ZC3H12D: variants seen among roughly 807,000 people sequenced by gnomAD.
ZC3H12D encodes the protein zinc finger CCCH-type containing 12D, also known as probable ribonuclease ZC3H12D.
Under a neutral mutation model 24.2 loss-of-function variants are expected in ZC3H12D, and 11 were observed. The ratio of observed to expected loss-of-function variants is 0.46; its 90% CI spans 0.29 to 0.75. The LOEUF is 0.75. Among genes scored for constraint, ZC3H12D ranks in the 30% least tolerant of loss-of-function variants. The pLI is 0.11. For synonymous variants in ZC3H12D, 333 were observed against 341.8 expected (o/e 0.97, Z 0.28); for missense variants, 740 against 767.7 (o/e 0.96, Z 0.43).
intron 1 of ZC3H12D, among the ~76,000 whole-genome samples, chr6:149,478,390 C>T (rs1057105413): frequency 6.8e-6 from 1 of 146,910 alleles, no homozygotes; most frequent in Non-Finnish European, 1.5e-5. Context: ...AGGCTTCTTA[C>T]TAATTTTTTT....
rs1775981510 is a variant in ZC3H12D at position 149,456,502 on chromosome 6, GGGACGT to G, written c.680+158_680+163del. On this transcript the variant is annotated intron_variant, in intron 4 of 5. Coordinates refer to ENST00000409806, the MANE Select transcript of ZC3H12D (RefSeq NM_207360.3). The surrounding 1 kb of genome is among the most constrained non-coding windows in gnomAD (Gnocchi z 4.3). ...TCAGAGCAAAGCAGCCCACCTATTG[GGGACGT>G]GCCCGCCGAGAATGCGGACCTGGGG... Among the ~76,000 whole-genome samples the G allele has an allele frequency of 6.6e-6, 1 of 152,092 alleles. No homozygotes were observed.
chr6:149,455,350 C>T (rs1056117396), intron 4 of ZC3H12D, among the ~76,000 whole-genome samples: 3 of 152,182 alleles, frequency 2.0e-5, no homozygotes, highest in Admixed American at 6.5e-5. Flanking sequence ...AGACACCGCA[C>T]GTAAGACAGA....
rs1466678187 is a variant in ZC3H12D at position 149,446,836 on chromosome 6, T to C, written c.*3847A>G. The C allele has an allele frequency of 1.3e-5, 2 of 152,188 alleles. No individual in the cohort carries two copies. The highest frequency in any genetic ancestry group is 2.1e-4 in the South Asian group (1 of 4,822). 9.4% of individuals were successfully genotyped at this position (152,188 alleles called of 1,614,324 possible). On this transcript the variant is annotated 3_prime_UTR_variant, in exon 6 of 6. Coordinates refer to ENST00000409806, the MANE Select transcript of ZC3H12D (RefSeq NM_207360.3). The stretch of plus-strand genomic sequence containing the variant: ...TCCATTTTATTTGGAAGAATGCCAA[T>C]TAGAGTGGCTTGTCTTGCTTCTACT...
At chr6:149,464,292 CT>C (rs1776118858) in intron 2 of ZC3H12D, among the ~76,000 whole-genome samples, 1 of 152,174 alleles carries the variant, frequency 6.6e-6, no homozygotes, top group African/African-American at 2.4e-5. Flanking sequence ...CTGGTGAAAC[CT>C]GAAGACGTCC....
intron 3 of ZC3H12D, 123 bp from the exon 4 acceptor site, chr6:149,457,023 A>T: frequency 1.1e-6 from 1 of 908,324 alleles, no homozygotes; most frequent in East Asian, 2.6e-5. Flanking sequence ...GAGCGGGGAA[A>T]AAACACCAGT....
chr6:149,472,843 C>T (rs1308440469), intron 2 of ZC3H12D, among the ~76,000 whole-genome samples: 1 of 152,132 alleles, frequency 6.6e-6, no homozygotes, highest in Non-Finnish European at 1.5e-5. Context: ...CTATGGAAGC[C>T]CAGGGAAAGA....
In ZC3H12D at chr6:149,456,561, G is replaced by T; in HGVS notation, c.680+105C>A. ...GCTCTGTCTGAGGGGCTGGGTGACC[G>T]GGTGACCCCAAGCTCCTCCACCTGG... On this transcript the variant is annotated intron_variant, in intron 4 of 5. Transcript: ENST00000409806. This position sits in a 1 kb window ranked among gnomAD's most constrained non-coding sequence, Gnocchi z 4.3. The T allele has an allele frequency of 1.0e-6, 1 of 976,710 alleles. No individual in the cohort carries two copies. Among genetic ancestry groups the T allele is most frequent in the Non-Finnish European group, 1.5e-6 (1 of 658,338 alleles). 60.5% of individuals were successfully genotyped at this position (976,710 alleles called of 1,614,324 possible). A position where few individuals can be genotyped will look rare whatever the true frequency, so the allele number is the denominator to read the frequency against.
chr6:149,450,700 G>A lies in ZC3H12D; in HGVS notation c.1567C>T (p.Pro523Ser), dbSNP rs1583182395. 2 of 1,533,548 alleles carry A rather than the reference G, an allele frequency of 1.3e-6. No homozygotes were observed. The highest frequency in any genetic ancestry group is 1.8e-6 in the Non-Finnish European group (2 of 1,137,836). The allele number at this position is 1,533,548 out of a possible 1,614,324, so 95.0% of individuals were successfully genotyped here. The change falls in exon 6 of 6, where the codon CCC (proline) becomes TCC (serine). Residue 523 changes from proline to serine, a missense_variant. By Grantham distance (74) the Pro-to-Ser change is moderately conservative. Transcript: ENST00000409806. ...LVQRCQSAGA[P>S]LGKP ...TTGGTCCCTTAGGGCTTGCCCAGGG[G>A]CGCCCCCGCGCTCTGGCATCTCTGT...
intron 1 of ZC3H12D, among the ~76,000 whole-genome samples, chr6:149,476,167 T>C (rs1028566981): frequency 6.6e-6 from 1 of 152,184 alleles, no homozygotes; most frequent in African/African-American, 2.4e-5. Context: ...ACACAAATGG[T>C]GTCATCTTAT....
chr6:149,474,552 C>T lies in ZC3H12D; in HGVS notation c.-9G>A, dbSNP rs1184560618. On this transcript the variant is annotated 5_prime_UTR_variant, in exon 2 of 6. Coordinates refer to ENST00000409806, the MANE Select transcript of ZC3H12D (RefSeq NM_207360.3). The stretch of plus-strand genomic sequence containing the variant: ...TTGCTGGGGTGCTCCATGCTGTGCC[C>T]AGCGGCCACTGGCGCAGGTCCTGCC... 1.3e-6 allele frequency: 2 copies of T among 1,488,122 alleles called. No individual in the cohort carries two copies. The highest frequency in any genetic ancestry group is 1.8e-6 in the Non-Finnish European group (2 of 1,109,884). The allele number at this position is 1,488,122 out of a possible 1,614,324, so 92.2% of individuals were successfully genotyped here.
chr6:149,450,428 T>C lies in ZC3H12D; in HGVS notation c.*255A>G. 1 of 482,852 alleles carries C rather than the reference T, an allele frequency of 2.1e-6. No individual in the cohort carries two copies. Among genetic ancestry groups the C allele is most frequent in the Non-Finnish European group, 3.7e-6 (1 of 273,580 alleles). 29.9% of individuals were successfully genotyped at this position (482,852 alleles called of 1,614,324 possible). On this transcript the variant is annotated 3_prime_UTR_variant, in exon 6 of 6. Coordinates refer to ENST00000409806, the MANE Select transcript of ZC3H12D (RefSeq NM_207360.3). ...CTGCAGCTTGGACCCGCAGTCTCCG[T>C]GCACATGGAAAATCATTCCCTCCAC...
intron 1 of ZC3H12D, among the ~76,000 whole-genome samples, chr6:149,481,910 G>A (rs1776431754): frequency 6.6e-6 from 1 of 152,238 alleles, no homozygotes; most frequent in Non-Finnish European, 1.5e-5. Flanking sequence ...CGGTTACCAA[G>A]GAACGGCTCT....
chr6:149,450,670 G>T lies in ZC3H12D; in HGVS notation c.*13C>A. ...CGAGGCTGGGCCATTCCCTGCAAGTGCGTGTTGGTCCCTTAGGGCTTGCCC... is the reference window on the plus strand; with the variant it reads ...CGAGGCTGGGCCATTCCCTGCAAGTTCGTGTTGGTCCCTTAGGGCTTGCCC... On this transcript the variant is annotated 3_prime_UTR_variant, in exon 6 of 6. Coordinates refer to ENST00000409806, the MANE Select transcript of ZC3H12D (RefSeq NM_207360.3). The T allele has an allele frequency of 6.6e-7, 1 of 1,505,050 alleles. No homozygotes were observed. The highest frequency in any genetic ancestry group is 8.9e-7 in the Non-Finnish European group (1 of 1,123,150). 93.2% of individuals were successfully genotyped at this position (1,505,050 alleles called of 1,614,324 possible).
intron 2 of ZC3H12D, among the ~76,000 whole-genome samples, chr6:149,463,919 G>A (rs571288413): frequency 3.9e-5 from 6 of 152,318 alleles, no homozygotes; most frequent in Non-Finnish European, 7.3e-5. Flanking sequence ...AAGGAACAGG[G>A]TTAGAGGGAA....
intron 1 of ZC3H12D, among the ~76,000 whole-genome samples, chr6:149,475,786 G>A (rs558536967): frequency 1.3e-5 from 2 of 152,054 alleles, no homozygotes; most frequent in South Asian, 2.1e-4. Flanking sequence ...CCTACACCGG[G>A]GGTTGGGGGG....
chr6:149,465,009 C>T (rs868589438), intron 2 of ZC3H12D, among the ~76,000 whole-genome samples: 13 of 152,182 alleles, frequency 8.5e-5, no homozygotes, highest in Non-Finnish European at 1.2e-4. Context: ...TGCTCTCTCT[C>T]GTATGTGACC....
At chr6:149,463,044 C>G (rs1303249684) in intron 2 of ZC3H12D, among the ~76,000 whole-genome samples, 1 of 152,166 alleles carries the variant, frequency 6.6e-6, no homozygotes, top group Non-Finnish European at 1.5e-5. Flanking sequence ...TTAGTTCTTC[C>G]CTTCAGAGAA....
Position 149,448,864 on chromosome 6 carries a change from T to C in ZC3H12D, c.*1819A>G, listed in dbSNP as rs1775830728. ...CCAGGCCTGCCAACATCTCATGAAA[T>C]CTGGTAGTAAACTGGCAAGAGTTCC... is the stretch of plus-strand genomic sequence containing the variant. On this transcript the variant is annotated 3_prime_UTR_variant, in exon 6 of 6. Transcript: ENST00000409806. 6.6e-6 allele frequency: 1 copy of C among 152,252 alleles called. No homozygotes were observed. Among genetic ancestry groups the C allele is most frequent in the Non-Finnish European group, 1.5e-5 (1 of 68,076 alleles). 9.4% of individuals were successfully genotyped at this position (152,252 alleles called of 1,614,324 possible). A position where few individuals can be genotyped will look rare whatever the true frequency, so the allele number is the denominator to read the frequency against.
In ZC3H12D at chr6:149,468,217, G is replaced by A. The variant is rs138386064; in HGVS notation, c.305+6022C>T. Reference sequence around the variant, plus strand: ...GCTGGTCTCAAACTCCTGACCTCAGGTGATTCGCCTGCCTTGGCCTCCCAA... The same window carrying A: ...GCTGGTCTCAAACTCCTGACCTCAGATGATTCGCCTGCCTTGGCCTCCCAA... On this transcript the variant is annotated intron_variant, in intron 2 of 5. Transcript: ENST00000409806. 8.6e-4 allele frequency among the ~76,000 whole-genome samples: 131 copies of A among 152,268 alleles called. 2 individuals carry two copies. The East Asian group carries it at 0.023, about 27-fold the overall frequency.
Sources: gnomAD v4.1 joint callset for allele counts (sites outside exome capture counted in the v4.1 genomes callset) on GRCh38, gnomAD v4.1.1 for gene constraint, Gnocchi (gnomAD v3.1) non-coding constraint, MANE v1.5 for transcripts, NCBI Gene and HGNC (gene_info 2026-07-23, HGNC 2026-07-21) for gene names.